PKIA: variants seen among roughly 807,000 people sequenced by gnomAD.
PKIA encodes the protein cAMP-dependent protein kinase inhibitor alpha.
Under a neutral mutation model 7.6 loss-of-function variants are expected in PKIA, and 4 were observed. The observed-to-expected ratio is 0.52, with a 90% CI of 0.26 to 1.20. The LOEUF (loss-of-function observed/expected upper bound fraction) is 1.20, where lower values mean the gene tolerates loss of function less well. Among genes scored for constraint, PKIA ranks in the 50% most tolerant of loss-of-function variants. The probability of loss-of-function intolerance (pLI) is 0.13; values close to 1 mark genes in which losing one functional copy is unlikely to be tolerated. For missense variants in PKIA, 73 were observed against 86.2 expected, an observed-to-expected ratio of 0.85 and a Z score of 0.61; for synonymous variants, 21 against 30.7, an observed-to-expected ratio of 0.68 and a Z score of 1.04.
intron 1 of PKIA, among the ~76,000 whole-genome samples, chr8:78,549,980 C>A (rs1806943378): frequency 6.6e-6 from 1 of 152,044 alleles, no homozygotes; most frequent in Non-Finnish European, 1.5e-5. Context: ...ATTACAATGA[C>A]AAAATGCTAG....
intron 1 of PKIA, among the ~76,000 whole-genome samples, chr8:78,540,826 T>C (rs550331892): frequency 6.6e-6 from 1 of 152,142 alleles, no homozygotes; most frequent in African/African-American, 2.4e-5. Flanking sequence ...ATTTTATAAT[T>C]ATTACATTTG....
At chr8:78,551,244 G>A (rs1288500716) in intron 1 of PKIA, among the ~76,000 whole-genome samples, 1 of 152,026 alleles carries the variant, frequency 6.6e-6, no homozygotes, top group African/African-American at 2.4e-5. Flanking sequence ...TGTTCCTGGA[G>A]GTATGAACTG....
At chr8:78,546,847 G>A (rs1806836803) in intron 1 of PKIA, among the ~76,000 whole-genome samples, 3 of 152,160 alleles carry the variant, frequency 2.0e-5, no homozygotes, top group Non-Finnish European at 4.4e-5. Flanking sequence ...ATTAACTTCT[G>A]TTTCCATTTT....
intron 2 of PKIA, among the ~76,000 whole-genome samples, chr8:78,589,601 G>C (rs375123689): frequency 3.8e-4 from 58 of 152,080 alleles, no homozygotes; most frequent in African/African-American, 1.4e-3. Flanking sequence ...CAAGGTGGGG[G>C]TGGGCAGGGA....
rs1045698090 is a variant in PKIA, at chr8:78,590,410, T to C, written c.-27-7948T>C. 2.0e-5 allele frequency among the ~76,000 whole-genome samples: 3 copies of C among 152,086 alleles called. No individual in the cohort carries two copies. In the East Asian group the frequency reaches 5.8e-4, roughly 29 times the overall value. ...TATTCATATGACTTCAGATTCCACA[T>C]TGAAAAAAAGCCATAATTATCTGAA... On this transcript the variant is annotated intron_variant, in intron 2 of 3. Transcript: ENST00000396418.
chr8:78,524,711 G>A (rs1371142873), intron 1 of PKIA, among the ~76,000 whole-genome samples: 1 of 151,802 alleles, frequency 6.6e-6, no homozygotes, highest in Non-Finnish European at 1.5e-5. Context: ...AGCAAAGCAT[G>A]AAAAAGTAGC....
chr8:78,549,512 T>C (rs1806926935), intron 1 of PKIA, among the ~76,000 whole-genome samples: 1 of 151,970 alleles, frequency 6.6e-6, no homozygotes, highest in Admixed American at 6.6e-5. Context: ...ATTTAGAAAT[T>C]CCCATCAAAT....
intron 1 of PKIA, among the ~76,000 whole-genome samples, chr8:78,571,168 A>G (rs987041866): frequency 4.0e-5 from 6 of 150,702 alleles, no homozygotes; most frequent in African/African-American, 1.5e-4. Flanking sequence ...TTTAACTAGG[A>G]CTGTATCCAA....
At chr8:78,578,667 A>C (rs774139677) in intron 2 of PKIA, among the ~76,000 whole-genome samples, 2 of 152,040 alleles carry the variant, frequency 1.3e-5, no homozygotes, top group East Asian at 1.9e-4. Context: ...CTTTTAGAAC[A>C]CCATACTCTC....
chr8:78,548,187 T>C (rs1446993170), intron 1 of PKIA, among the ~76,000 whole-genome samples: 2 of 152,084 alleles, frequency 1.3e-5, no homozygotes, highest in East Asian at 1.9e-4. Flanking sequence ...ACCAGAAACA[T>C]GTAGTATATT....
chr8:78,535,348 T>A (rs1050255240), intron 1 of PKIA: 1 of 151,722 alleles, frequency 6.6e-6, no homozygotes, highest in African/African-American at 2.4e-5. Flanking sequence ...ACATTGGGGA[T>A]TTTTTTTCCT....
At chr8:78,550,471 G>A (rs1403445549) in intron 1 of PKIA, among the ~76,000 whole-genome samples, 1 of 151,946 alleles carries the variant, frequency 6.6e-6, no homozygotes, top group Admixed American at 6.6e-5. Flanking sequence ...GAGGCCTAGG[G>A]TCCCAGAAGG....
chr8:78,593,705 G>A (rs936129182), intron 2 of PKIA, among the ~76,000 whole-genome samples: 3 of 152,136 alleles, frequency 2.0e-5, no homozygotes, highest in African/African-American at 7.2e-5. Context: ...TAGACAGGCT[G>A]CCTGGTAAAG....
At chr8:78,550,774 G>A (rs1806964872) in intron 1 of PKIA, among the ~76,000 whole-genome samples, 1 of 151,838 alleles carries the variant, frequency 6.6e-6, no homozygotes, top group African/African-American at 2.4e-5. Context: ...AGCAGTATAC[G>A]CTGAACCCAA....
At chr8:78,580,924 CTATA>C (rs1337019118) in intron 2 of PKIA, among the ~76,000 whole-genome samples, 2 of 151,966 alleles carry the variant, frequency 1.3e-5, no homozygotes, top group African/African-American at 2.4e-5. Flanking sequence ...ATGTGTGTGA[CTATA>C]TAACTGTAGA....
At chr8:78,573,293 G>C (rs1281586574) in intron 2 of PKIA, among the ~76,000 whole-genome samples, 1 of 151,914 alleles carries the variant, frequency 6.6e-6, no homozygotes, top group African/African-American at 2.4e-5. Context: ...CTCTGTGAAG[G>C]TCATGAAAAT....
chr8:78,518,584 C>A (rs1809358822), intron 1 of PKIA, among the ~76,000 whole-genome samples: 1 of 152,164 alleles, frequency 6.6e-6, no homozygotes, highest in African/African-American at 2.4e-5. Context: ...TGTTGACAGT[C>A]ACCTTTCTGT....
At chr8:78,581,376 G>T (rs1279081175) in intron 2 of PKIA, among the ~76,000 whole-genome samples, 1 of 151,986 alleles carries the variant, frequency 6.6e-6, no homozygotes, top group Non-Finnish European at 1.5e-5. Flanking sequence ...GTGAGAAATA[G>T]GATATTTACA....
chr8:78,583,979 G>A (rs1807884170), intron 2 of PKIA, among the ~76,000 whole-genome samples: 1 of 152,022 alleles, frequency 6.6e-6, no homozygotes, highest in South Asian at 2.1e-4. Context: ...AAAGCAACAA[G>A]ATTTTCATGT....
Sources: gnomAD v4.1 joint callset for allele counts (sites outside exome capture counted in the v4.1 genomes callset) on GRCh38, gnomAD v4.1.1 for gene constraint, MANE v1.5 for transcripts, NCBI Gene and HGNC (gene_info 2026-07-23, HGNC 2026-07-21) for gene names.